PCDH15: variants seen among roughly 807,000 people sequenced by gnomAD.
PCDH15 encodes protocadherin-15.
PCDH15 carries 129 observed loss-of-function variants against 178.5 expected under a neutral mutation model. That is an observed-to-expected ratio of 0.72 (90% CI 0.63 to 0.84). The LOEUF is 0.84. Ranked by LOEUF, PCDH15 falls within the 40% of genes least tolerant of loss-of-function variation. The pLI, the probability that PCDH15 is intolerant of heterozygous loss-of-function variation, is 0.00. For synonymous variants in PCDH15, 800 were observed against 732.0 expected (o/e 1.09, Z -1.50); for missense variants, 2,230 against 2,099.9 (o/e 1.06, Z -1.21).
chr10:55,546,808 C>T lies in PCDH15; in HGVS notation c.-156+80817G>A, dbSNP rs569797460. 7.2e-5 allele frequency among the ~76,000 whole-genome samples: 11 copies of T among 152,182 alleles called. 1 individual carries two copies. In the South Asian group the frequency reaches 2.3e-3, roughly 32 times the overall value. Reference sequence around the variant, plus strand: ...TAGTCACTAGAATACAGCAGAAGTCCTCTGAGGCTCAGATGAACAGACGGA... The same window carrying T: ...TAGTCACTAGAATACAGCAGAAGTCTTCTGAGGCTCAGATGAACAGACGGA... On this transcript the variant is annotated intron_variant, in intron 2 of 5. Coordinates refer to the PCDH15 transcript ENST00000613346.
At chr10:54,206,357 C>T (rs781499001) in intron 10 of PCDH15, among the ~76,000 whole-genome samples, 4 of 152,048 alleles carry the variant, frequency 2.6e-5, no homozygotes, top group South Asian at 2.1e-4. Flanking sequence ...GTGTTTGGAA[C>T]GTGAGAATCA....
At chr10:54,453,613 C>A (rs571584270) in intron 3 of PCDH15, among the ~76,000 whole-genome samples, 1 of 151,560 alleles carries the variant, frequency 6.6e-6, no homozygotes, top group South Asian at 2.1e-4. Context: ...ATGTAACAAA[C>A]CTGTACGTTG....
rs1190488548 is a variant in PCDH15 at position 53,803,410 on chromosome 10, A to T, written c.*3169T>A. On this transcript the variant is annotated 3_prime_UTR_variant, in exon 38 of 38. Coordinates refer to ENST00000644397, the MANE Select transcript of PCDH15 (RefSeq NM_001384140.1). ...TTACTTCTGGCTCTATGATATAAAA[A>T]TGTTTTTAAATAATATTTTAATGGT... The T allele has an allele frequency of 6.6e-6, 1 of 151,952 alleles. No homozygotes were observed. Among genetic ancestry groups the T allele is most frequent in the East Asian group, 1.9e-4 (1 of 5,196 alleles). 9.4% of individuals were successfully genotyped at this position (151,952 alleles called of 1,614,324 possible). A position where few individuals can be genotyped will look rare whatever the true frequency, so the allele number is the denominator to read the frequency against.
chr10:54,395,330 C>T (rs112302614), intron 3 of PCDH15, among the ~76,000 whole-genome samples: 5 of 151,814 alleles, frequency 3.3e-5, no homozygotes, highest in East Asian at 1.9e-4. Context: ...CAGGTCCCTC[C>T]GTTTGGGGTC....
chr10:53,872,081 A>T (rs2079908949), intron 26 of PCDH15, among the ~76,000 whole-genome samples: 1 of 152,146 alleles, frequency 6.6e-6, no homozygotes, highest in Admixed American at 6.6e-5. Context: ...TTTGTACAGT[A>T]CACACTCTAC....
chr10:55,003,171 G>T (rs1188588196), intron 2 of PCDH15, among the ~76,000 whole-genome samples: 1 of 151,924 alleles, frequency 6.6e-6, no homozygotes, highest in Admixed American at 6.6e-5. Context: ...TAAGACTTTT[G>T]TTATCCACAA....
chr10:55,525,900 C>T (rs1459969313), intron 2 of PCDH15, among the ~76,000 whole-genome samples: 2 of 151,892 alleles, frequency 1.3e-5, no homozygotes, highest in African/African-American at 4.8e-5. Flanking sequence ...GAAACTGACA[C>T]CTTTAGCATT....
chr10:55,431,815 A>G (rs560823286), intron 2 of PCDH15, among the ~76,000 whole-genome samples: 1 of 152,216 alleles, frequency 6.6e-6, no homozygotes, highest in East Asian at 1.9e-4. Flanking sequence ...CATTAAAAAT[A>G]GCCCATATAG....
At chr10:54,717,433 A>G (rs1288934397) in intron 1 of PCDH15, among the ~76,000 whole-genome samples, 2 of 143,500 alleles carry the variant, frequency 1.4e-5, no homozygotes, top group African/African-American at 2.7e-5. Context: ...AAACAACCCC[A>G]TCAAAAAGTG....
chr10:55,442,474 A>AT (rs5785133), intron 2 of PCDH15, among the ~76,000 whole-genome samples: 36,434 of 99,562 alleles, frequency 0.37, 5,469 homozygotes, highest in East Asian at 0.59. Flanking sequence ...TATATATTAT[A>AT]TATATATTAT....
intron 21 of PCDH15, among the ~76,000 whole-genome samples, chr10:53,977,385 G>C (rs1477797748): frequency 6.6e-6 from 1 of 152,174 alleles, no homozygotes; most frequent in Admixed American, 6.5e-5. Flanking sequence ...GTGTTGGGCT[G>C]CACTGAAAGC....
chr10:55,100,818 A>G (rs1010948395), intron 2 of PCDH15, among the ~76,000 whole-genome samples: 1 of 152,070 alleles, frequency 6.6e-6, no homozygotes, highest in Non-Finnish European at 1.5e-5. Context: ...TGAGTTTTGG[A>G]GGGGAAAATA....
chr10:53,989,548 T>C (rs2091326473), intron 21 of PCDH15, among the ~76,000 whole-genome samples: 1 of 152,196 alleles, frequency 6.6e-6, no homozygotes, highest in Non-Finnish European at 1.5e-5. Flanking sequence ...GTGTACCTTC[T>C]TTCTAATTAA....
intron 2 of PCDH15, among the ~76,000 whole-genome samples, chr10:55,416,345 TG>T (rs1341842493): frequency 1.3e-5 from 2 of 151,746 alleles, no homozygotes; most frequent in African/African-American, 4.8e-5. Flanking sequence ...TGATAACCAT[TG>T]TAAGTAAGCC....
chr10:54,824,379 C>T (rs1372248022), intron 3 of PCDH15, among the ~76,000 whole-genome samples: 2 of 152,100 alleles, frequency 1.3e-5, no homozygotes, highest in African/African-American at 2.4e-5. Context: ...AAAAGAACAA[C>T]TGTGGAAAAG....
chr10:54,744,192 T>A (rs1945173751), intron 1 of PCDH15, among the ~76,000 whole-genome samples: 1 of 152,018 alleles, frequency 6.6e-6, no homozygotes, highest in Non-Finnish European at 1.5e-5. Context: ...AGGAACTGAG[T>A]CCCACCAACA....
intron 2 of PCDH15, among the ~76,000 whole-genome samples, chr10:55,437,658 T>C (rs1839074401): frequency 6.6e-6 from 1 of 151,938 alleles, no homozygotes; most frequent in Non-Finnish European, 1.5e-5. Context: ...AAAATCAAAC[T>C]AAATATGCCA....
chr10:54,595,004 C>A (rs555013985), intron 2 of PCDH15, among the ~76,000 whole-genome samples: 2 of 152,318 alleles, frequency 1.3e-5, no homozygotes, highest in African/African-American at 4.8e-5. Context: ...TGTGCTAACA[C>A]CAGCACCAGT....
chr10:54,730,670 C>A (rs1402750615), intron 1 of PCDH15, among the ~76,000 whole-genome samples: 1 of 151,280 alleles, frequency 6.6e-6, no homozygotes, highest in African/African-American at 2.4e-5. Flanking sequence ...ATGAGATTTT[C>A]TTCAATAAAT....
Sources: gnomAD v4.1 joint callset for allele counts (sites outside exome capture counted in the v4.1 genomes callset) on GRCh38, gnomAD v4.1.1 for gene constraint, MANE v1.5 for transcripts, NCBI Gene and HGNC (gene_info 2026-07-23, HGNC 2026-07-21) for gene names.